SLC31A1: variants seen among roughly 807,000 people sequenced by gnomAD.
SLC31A1 encodes solute carrier family 31 member 1.
SLC31A1 carries 5 observed loss-of-function variants against 17.2 expected under a neutral mutation model. The observed-to-expected ratio is 0.29, with a 90% CI of 0.15 to 0.61. The LOEUF (loss-of-function observed/expected upper bound fraction) is 0.61. SLC31A1 is among the 20% of genes least tolerant of loss of function. The pLI, the probability that SLC31A1 is intolerant of heterozygous loss-of-function variation, is 0.86. For synonymous variants in SLC31A1, 76 were observed against 78.8 expected (o/e 0.96, Z 0.19); for missense variants, 161 against 241.4 (o/e 0.67, Z 2.21).
chr9:113,229,007 C>T (rs530850927), intron 1 of SLC31A1, among the ~76,000 whole-genome samples: 12 of 152,144 alleles, frequency 7.9e-5, no homozygotes, highest in Admixed American at 2.6e-4. Context: ...CCACCACGAC[C>T]GGCTGATTTT....
chr9:113,226,884 G>A (rs1448515956), intron 1 of SLC31A1, among the ~76,000 whole-genome samples: 1 of 152,136 alleles, frequency 6.6e-6, no homozygotes, highest in African/African-American at 2.4e-5. Flanking sequence ...AAATGAAAGG[G>A]AAATGGTGTA....
intron 1 of SLC31A1, among the ~76,000 whole-genome samples, chr9:113,234,936 G>A (rs1247373334): frequency 2.0e-5 from 3 of 152,014 alleles, no homozygotes; most frequent in Admixed American, 2.0e-4. Flanking sequence ...AACTTGTTAC[G>A]AGTTTTAAGG....
At chr9:113,223,429 C>G (rs1831308920) in intron 1 of SLC31A1, among the ~76,000 whole-genome samples, 1 of 152,220 alleles carries the variant, frequency 6.6e-6, no homozygotes, top group Admixed American at 6.5e-5. Context: ...TGTCCCAGCC[C>G]TTATAACTCA....
intron 4 of SLC31A1, among the ~76,000 whole-genome samples, chr9:113,259,416 A>G (rs1587997522): frequency 6.6e-6 from 1 of 152,136 alleles, no homozygotes; most frequent in Non-Finnish European, 1.5e-5. Context: ...CCTGCTTTCA[A>G]ACAAGCAGTG....
At chr9:113,246,720 C>G (rs890778664) in intron 1 of SLC31A1, among the ~76,000 whole-genome samples, 14 of 151,782 alleles carry the variant, frequency 9.2e-5, no homozygotes, top group African/African-American at 3.4e-4. Context: ...GGCTGGAGTG[C>G]AGTGGCACTA....
rs1264129708 is a variant in SLC31A1, at chr9:113,240,609, C to G, written c.-35-15505C>G. Among the ~76,000 whole-genome samples, 5 of 152,016 alleles carry G rather than the reference C, an allele frequency of 3.3e-5. No individual in the cohort carries two copies. In the South Asian group the frequency reaches 1.0e-3, roughly 32 times the overall value. ...ATCAAGGTCCATGTTTTAGCTTTAT[C>G]CTTAATTCTGGCACATTTTTGTGCA... On this transcript the variant is annotated intron_variant, in intron 1 of 4. Transcript: ENST00000374212.
intron 1 of SLC31A1, among the ~76,000 whole-genome samples, chr9:113,226,092 C>T (rs564251929): frequency 2.0e-5 from 3 of 150,660 alleles, no homozygotes; most frequent in Non-Finnish European, 4.4e-5. Flanking sequence ...GCTGAGGTCA[C>T]GCCACTGTGC....
At chr9:113,229,273 C>T (rs1259076534) in intron 1 of SLC31A1, among the ~76,000 whole-genome samples, 2 of 152,218 alleles carry the variant, frequency 1.3e-5, no homozygotes, top group Middle Eastern at 3.2e-3. Flanking sequence ...TTAGGGACCA[C>T]GGTCCTATTT....
At chr9:113,251,731 T>G (rs184639143) in intron 1 of SLC31A1, among the ~76,000 whole-genome samples, 20 of 152,344 alleles carry the variant, frequency 1.3e-4, no homozygotes, top group African/African-American at 4.6e-4. Context: ...TTATTATGCT[T>G]TAATAATTAA....
intron 1 of SLC31A1, among the ~76,000 whole-genome samples, chr9:113,227,845 A>G (rs774167444): frequency 6.6e-6 from 1 of 152,222 alleles, no homozygotes; most frequent in Non-Finnish European, 1.5e-5. Context: ...TGCTTTGCCA[A>G]TGTATATTTG....
Position 113,260,410 on chromosome 9 carries a change from A to G in SLC31A1, c.510A>G (p.Thr170=). The G allele has an allele frequency of 6.2e-7, 1 of 1,614,204 alleles. No individual in the cohort carries two copies. The highest frequency in any genetic ancestry group is 1.1e-5 in the South Asian group (1 of 91,080). ...LCIAVAAGAG[T]GYFLFSWKKA... ...TTGCAGTAGCAGCAGGGGCCGGTAC[A>G]GGATACTTCCTCTTCAGCTGGAAGA... The change falls in exon 5 of 5, where the codon ACA becomes ACG. Residue 170 remains threonine (T), a synonymous_variant. Coordinates refer to ENST00000374212, the MANE Select transcript of SLC31A1 (RefSeq NM_001859.4).
chr9:113,258,946 C>A lies in SLC31A1; in HGVS notation c.371+84C>A. 1 of 1,411,124 alleles carries A rather than the reference C, an allele frequency of 7.1e-7. No individual in the cohort carries two copies. The allele number at this position is 1,411,124 out of a possible 1,614,324, so 87.4% of individuals were successfully genotyped here. ...GCGCAGCTGTGTGATCAGCAGCAGC[C>A]CTCTTCTTGAGTTAGGAGTTCTGTA... On this transcript the variant is annotated intron_variant, in intron 4 of 4. Transcript: ENST00000374212. This position sits in a 1 kb window ranked among gnomAD's most constrained non-coding sequence, Gnocchi z 4.8.
intron 1 of SLC31A1, among the ~76,000 whole-genome samples, chr9:113,236,597 C>G (rs997313050): frequency 6.7e-6 from 1 of 149,840 alleles, no homozygotes; most frequent in East Asian, 2.0e-4. Flanking sequence ...CTCCTGACCT[C>G]GTGATCCGCC....
Position 113,260,580 on chromosome 9 carries a change from T to TACATACAC in SLC31A1, c.*110_*111insTACACACA, listed in dbSNP as rs1831781509. On this transcript the variant is annotated 3_prime_UTR_variant, in exon 5 of 5. Coordinates refer to ENST00000374212, the MANE Select transcript of SLC31A1 (RefSeq NM_001859.4). Reference sequence around the variant, plus strand: ...CCCTTCTTGCTCCTCTTTGTGCACGTACACACACACACACACACACACACA... The same window carrying TACATACAC: ...CCCTTCTTGCTCCTCTTTGTGCACGTACATACACACACACACACACACACACACACACA... 1 of 588,066 alleles carries TACATACAC rather than the reference T, an allele frequency of 1.7e-6. No individual in the cohort carries two copies. Among genetic ancestry groups the TACATACAC allele is most frequent in the African/African-American group, 1.9e-5 (1 of 52,034 alleles). The allele number at this position is 588,066 out of a possible 1,614,324, so 36.4% of individuals were successfully genotyped here.
chr9:113,260,715 G>A lies in SLC31A1; in HGVS notation c.*242G>A, dbSNP rs1246796073. The A allele has an allele frequency of 3.7e-6, 2 of 539,882 alleles. No individual in the cohort carries two copies. The highest frequency in any genetic ancestry group is 3.4e-5 in the East Asian group (1 of 29,146). 33.4% of individuals were successfully genotyped at this position (539,882 alleles called of 1,614,324 possible). On this transcript the variant is annotated 3_prime_UTR_variant, in exon 5 of 5. Coordinates refer to ENST00000374212, the MANE Select transcript of SLC31A1 (RefSeq NM_001859.4). Reference sequence around the variant, plus strand: ...AGATTCCCATTTCTCTTAAGGAGAAGCCACCCATGAGATGTCTTTTCCTTC... The same window carrying A: ...AGATTCCCATTTCTCTTAAGGAGAAACCACCCATGAGATGTCTTTTCCTTC...
chr9:113,223,340 A>G, intron 1 of SLC31A1: 1 of 386,742 alleles, frequency 2.6e-6, no homozygotes, highest in Non-Finnish European at 5.0e-6. Flanking sequence ...AAAAAAAAAA[A>G]AAGAAAGCCA....
rs1043210617 is a variant in SLC31A1, at chr9:113,256,171, G to T, written c.23G>T (p.Gly8Val). 1.8e-5 allele frequency: 29 copies of T among 1,612,228 alleles called. No homozygotes were observed. The highest frequency in any genetic ancestry group is 5.9e-6 in the Non-Finnish European group (7 of 1,179,956). The change falls in exon 2 of 5, where the codon GGG (glycine) becomes GTG (valine). Residue 8 changes from glycine to valine, a missense_variant. Physicochemically the swap from Gly to Val is moderately radical, Grantham distance 109. Transcript: ENST00000374212. MDHSHHM[G>V]MSYMDSNSTM... Reference sequence around the variant, plus strand: ...AAAATGGATCATTCCCACCATATGGGGATGAGCTATATGGACTCCAACAGT... The same window carrying T: ...AAAATGGATCATTCCCACCATATGGTGATGAGCTATATGGACTCCAACAGT...
At chr9:113,241,581 T>C (rs1249965044) in intron 1 of SLC31A1, among the ~76,000 whole-genome samples, 1 of 152,202 alleles carries the variant, frequency 6.6e-6, no homozygotes, top group Non-Finnish European at 1.5e-5. Context: ...TTAGTGGGAT[T>C]CTGTGACCCG....
At position 113,260,262 on chromosome 9, in the gene SLC31A1, T is replaced by C. The variant is rs1485402019; in HGVS notation, c.372-10T>C. 6.2e-7 allele frequency: 1 copy of C among 1,612,910 alleles called. No homozygotes were observed. Among genetic ancestry groups the C allele is most frequent in the Admixed American group, 1.7e-5 (1 of 60,008 alleles). ...AGTCCCTGATTGTTGTGTCCCTGTTTACTCTCCAGGCAACAGATGCTGAGC... is the reference window on the plus strand; with the variant it reads ...AGTCCCTGATTGTTGTGTCCCTGTTCACTCTCCAGGCAACAGATGCTGAGC... On this transcript the variant is annotated splice_polypyrimidine_tract_variant and intron_variant, in intron 4 of 4. Coordinates refer to ENST00000374212, the MANE Select transcript of SLC31A1 (RefSeq NM_001859.4).
Sources: gnomAD v4.1 joint callset for allele counts (sites outside exome capture counted in the v4.1 genomes callset) on GRCh38, gnomAD v4.1.1 for gene constraint, Gnocchi (gnomAD v3.1) non-coding constraint, MANE v1.5 for transcripts, NCBI Gene and HGNC (gene_info 2026-07-23, HGNC 2026-07-21) for gene names.